Variants in KMT2C observed in about 807,000 individuals in gnomAD.
The protein encoded by KMT2C is histone-lysine N-methyltransferase 2C.
A neutral mutation model predicts 507.9 loss-of-function variants in KMT2C; 88 were observed. The observed-to-expected ratio is 0.17, with a 90% CI of 0.15 to 0.21. KMT2C has a LOEUF of 0.21. KMT2C is among the 10% of genes least tolerant of loss of function. The pLI is 1.00. For synonymous variants in KMT2C, 2,049 were observed against 2,080.8 expected, an observed-to-expected ratio of 0.98 and a Z score of 0.42; for missense variants, 4,954 against 5,957.8, an observed-to-expected ratio of 0.83 and a Z score of 5.55.
chr7:152,194,190 A>G (rs1183758868), intron 30 of KMT2C, 39 bp downstream of exon 30: 1 of 1,560,198 alleles, frequency 6.4e-7, no homozygotes, highest in East Asian at 2.2e-5. Context: ...GGTATGGGGA[A>G]CGCCATTTTC....
intron 23 of KMT2C, among the ~76,000 whole-genome samples, chr7:152,218,643 C>T (rs1012990014): frequency 1.3e-5 from 2 of 152,096 alleles, no homozygotes; most frequent in Admixed American, 1.3e-4. Context: ...CATTCAATGG[C>T]CTCCCATTCC....
intron 42 of KMT2C, among the ~76,000 whole-genome samples, chr7:152,165,942 C>G (rs2092709398): frequency 1.3e-5 from 2 of 152,310 alleles, no homozygotes; most frequent in South Asian, 4.1e-4. Flanking sequence ...CCTGTCTTGG[C>G]TTCCCAAAGT....
At chr7:152,258,556 T>C (rs1237916961) in intron 9 of KMT2C, among the ~76,000 whole-genome samples, 1 of 152,018 alleles carries the variant, frequency 6.6e-6, no homozygotes, top group Non-Finnish European at 1.5e-5. Flanking sequence ...ACAGAGTCTA[T>C]CTCTGTCACC....
chr7:152,379,245 A>C (rs1489395692), intron 1 of KMT2C, among the ~76,000 whole-genome samples: 1 of 152,184 alleles, frequency 6.6e-6, no homozygotes, highest in East Asian at 1.9e-4. Flanking sequence ...AGATATAAAA[A>C]ATACGTAGTT....
chr7:152,429,030 C>T (rs539715177), intron 1 of KMT2C, among the ~76,000 whole-genome samples: 1 of 152,164 alleles, frequency 6.6e-6, no homozygotes, highest in African/African-American at 2.4e-5. Flanking sequence ...TTTACACCTC[C>T]TTCCCTCAAT....
In KMT2C at chr7:152,380,113, T is replaced by A. The variant is rs370525593; in HGVS notation, c.162-21438A>T. Among the ~76,000 whole-genome samples the A allele has an allele frequency of 8.5e-5, 13 of 152,410 alleles. No individual in the cohort carries two copies. In the East Asian group the frequency reaches 2.3e-3, roughly 27 times the overall value. On this transcript the variant is annotated intron_variant, in intron 1 of 58. Coordinates refer to ENST00000262189, the MANE Select transcript of KMT2C (RefSeq NM_170606.3). ...CAGGGGTGGCAGCATGTGCCTGTAGTCCCAGCTACTTGGGAGGCTGAGGCA... is the reference window on the plus strand; with the variant it reads ...CAGGGGTGGCAGCATGTGCCTGTAGACCCAGCTACTTGGGAGGCTGAGGCA...
chr7:152,368,392 G>C, intron 1 of KMT2C: 2 of 1,120,990 alleles, frequency 1.8e-6, no homozygotes. Flanking sequence ...GGAGTATGCA[G>C]CTAAAATGAA....
At chr7:152,365,167 A>T (rs1210587200) in intron 1 of KMT2C, among the ~76,000 whole-genome samples, 5 of 152,184 alleles carry the variant, frequency 3.3e-5, no homozygotes, top group Non-Finnish European at 7.3e-5. Flanking sequence ...TTAAAGGAAA[A>T]ACCCTTCTAA....
At chr7:152,219,112 G>A (rs2094682821) in intron 23 of KMT2C, among the ~76,000 whole-genome samples, 1 of 151,984 alleles carries the variant, frequency 6.6e-6, no homozygotes, top group Non-Finnish European at 1.5e-5. Flanking sequence ...TGGGATTACA[G>A]GTGCATGCCA....
chr7:152,152,633 G>C (rs539781500), intron 49 of KMT2C, 72 bp downstream of exon 49: 80 of 1,542,316 alleles, frequency 5.2e-5, no homozygotes, highest in Non-Finnish European at 2.7e-6. Flanking sequence ...AAGATAATCA[G>C]TATCTCAAAG....
chr7:152,267,566 T>TA (rs2095878036), intron 7 of KMT2C, among the ~76,000 whole-genome samples: 1 of 152,208 alleles, frequency 6.6e-6, no homozygotes, highest in Admixed American at 6.5e-5. Context: ...TTTTTGACAT[T>TA]ACTTTTAATG....
intron 2 of KMT2C, among the ~76,000 whole-genome samples, chr7:152,345,177 T>G (rs182009681): frequency 4.4e-4 from 67 of 151,758 alleles, no homozygotes; most frequent in African/African-American, 1.6e-3. Context: ...CCCACCACTT[T>G]AGGAGGCTGA....
At chr7:152,426,254 G>A (rs942030860) in intron 1 of KMT2C, among the ~76,000 whole-genome samples, 1 of 33,900 alleles carries the variant, frequency 2.9e-5, no homozygotes, top group South Asian at 8.6e-4. Flanking sequence ...TTTTTTTTTT[G>A]GGAGATAGGG....
chr7:152,185,754 G>C (rs2093607491), intron 33 of KMT2C, 123 bp from the exon 34 acceptor site: 2 of 690,358 alleles, frequency 2.9e-6, no homozygotes, highest in Non-Finnish European at 5.0e-6. Flanking sequence ...TGAGGTCATA[G>C]ACCTATATTA....
At chr7:152,408,814 TAA>T (rs33915849) in intron 1 of KMT2C, among the ~76,000 whole-genome samples, 2,351 of 122,202 alleles carry the variant, frequency 0.019, 61 homozygotes, top group African/African-American at 0.063. Context: ...AAGGTTTTGT[TAA>T]AAAAAAAAAA....
intron 6 of KMT2C, among the ~76,000 whole-genome samples, chr7:152,297,049 G>GAAAGAAAGAA (rs1563767037): frequency 2.3e-5 from 2 of 85,492 alleles, no homozygotes; most frequent in Non-Finnish European, 4.5e-5. Flanking sequence ...AAGAAAGAAA[G>GAAAGAAAGAA]AAAGACAGAG....
intron 8 of KMT2C, among the ~76,000 whole-genome samples, chr7:152,264,660 A>G (rs2095833754): frequency 1.3e-5 from 2 of 152,096 alleles, no homozygotes; most frequent in African/African-American, 2.4e-5. Flanking sequence ...TCTCCTCCCC[A>G]GTACCCCTTA....
intron 22 of KMT2C, among the ~76,000 whole-genome samples, chr7:152,221,144 C>T (rs1166185161): frequency 6.6e-6 from 1 of 152,286 alleles, no homozygotes; most frequent in Middle Eastern, 3.4e-3. Flanking sequence ...GTAATCCCAG[C>T]TATGCGGGAG....
At chr7:152,227,391 C>A (rs547713021) in intron 18 of KMT2C, among the ~76,000 whole-genome samples, 1 of 152,272 alleles carries the variant, frequency 6.6e-6, no homozygotes, top group African/African-American at 2.4e-5. Flanking sequence ...TAATCTAATA[C>A]GGATACACGC....
Sources: gnomAD v4.1 joint callset for allele counts (sites outside exome capture counted in the v4.1 genomes callset) on GRCh38, gnomAD v4.1.1 for gene constraint, MANE v1.5 for transcripts, NCBI Gene and HGNC (gene_info 2026-07-23, HGNC 2026-07-21) for gene names.